Variants in WASF3 observed in about 807,000 individuals in gnomAD.
The protein encoded by WASF3 is actin-binding protein WASF3.
In WASF3, 11 loss-of-function variants were observed where a neutral mutation model predicts 46.6. The observed-to-expected ratio is 0.24, with a 90% confidence interval of 0.15 to 0.39. WASF3 has a LOEUF of 0.39. WASF3 is among the 10% of genes least tolerant of loss of function. The pLI is 1.00. For synonymous variants in WASF3, 242 were observed against 259.7 expected (o/e 0.93, Z 0.65); for missense variants, 576 against 669.8 (o/e 0.86, Z 1.55).
rs116798957 is a variant in WASF3 at position 26,586,684 on chromosome 13, T to C, written c.-108-26277T>C. ...GGGATACTCAAGAAACACCTGCCCT[T>C]TGTGATCAATTCTAAGAGCCCCATC... On this transcript the variant is annotated intron_variant, in intron 1 of 9. Coordinates refer to ENST00000335327, the MANE Select transcript of WASF3 (RefSeq NM_006646.6). 6.8e-3 allele frequency among the ~76,000 whole-genome samples: 1,028 copies of C among 152,276 alleles called. 15 individuals carry two copies. Among genetic ancestry groups the C allele is most frequent in the African/African-American group, 0.024 (981 of 41,558 alleles).
chr13:26,576,900 GA>G, intron 1 of WASF3: 2 of 768,042 alleles, frequency 2.6e-6, no homozygotes, highest in Non-Finnish European at 4.4e-6. Context: ...CTGTTGGCAA[GA>G]ACAAACGCCT....
At chr13:26,644,485 A>G (rs574638226) in intron 3 of WASF3, among the ~76,000 whole-genome samples, 2 of 152,312 alleles carry the variant, frequency 1.3e-5, no homozygotes, top group Admixed American at 6.5e-5. Flanking sequence ...ACTGCAGTGC[A>G]TCTCAACCTG....
At chr13:26,569,505 T>G (rs1247819843) in intron 1 of WASF3, among the ~76,000 whole-genome samples, 1 of 152,214 alleles carries the variant, frequency 6.6e-6, no homozygotes, top group Non-Finnish European at 1.5e-5. Context: ...CAAAATATGT[T>G]GATTAGAATC....
intron 8 of WASF3, 29 bp downstream of exon 8, chr13:26,681,349 C>T: frequency 1.3e-6 from 2 of 1,519,616 alleles, no homozygotes; most frequent in East Asian, 2.3e-5. Flanking sequence ...TACCCTAATC[C>T]CTCCTGGCCT....
intron 3 of WASF3, among the ~76,000 whole-genome samples, chr13:26,651,667 G>A (rs995792404): frequency 6.6e-6 from 1 of 152,182 alleles, no homozygotes; most frequent in African/African-American, 2.4e-5. Context: ...ACCTGGATCT[G>A]CAAGGAGTCC....
chr13:26,660,602 G>A (rs1301651156), intron 3 of WASF3, among the ~76,000 whole-genome samples: 3 of 152,132 alleles, frequency 2.0e-5, no homozygotes, highest in African/African-American at 4.8e-5. Context: ...AAGCTTTGCT[G>A]CGAAGGGAGG....
intron 1 of WASF3, among the ~76,000 whole-genome samples, chr13:26,560,659 A>C (rs1472563046): frequency 6.6e-6 from 1 of 152,236 alleles, no homozygotes; most frequent in African/African-American, 2.4e-5. Flanking sequence ...TAGAGTCAGT[A>C]ATCAGTGAGG....
At chr13:26,548,043 G>A in the WASF3 span, among the ~76,000 whole-genome samples, 3 of 152,144 alleles carry the variant, frequency 2.0e-5, no homozygotes, top group Non-Finnish European at 2.9e-5. Context: ...CAATCATTTG[G>A]GTTAGTACAG....
chr13:26,594,517 G>C (rs72658726), intron 1 of WASF3, among the ~76,000 whole-genome samples: 1,681 of 152,256 alleles, frequency 0.011, 41 homozygotes, highest in African/African-American at 0.038. Flanking sequence ...CCTGGCTGCA[G>C]CAGTGGCCTA....
intron 3 of WASF3, 83 bp from the exon 4 acceptor site, chr13:26,664,945 G>A: frequency 7.1e-7 from 1 of 1,413,318 alleles, no homozygotes; most frequent in South Asian, 1.2e-5. Context: ...CATGTTGACA[G>A]GAATAAGCAC....
chr13:26,604,752 A>G (rs913146442), intron 1 of WASF3, among the ~76,000 whole-genome samples: 7 of 152,218 alleles, frequency 4.6e-5, no homozygotes, highest in African/African-American at 1.7e-4. Context: ...TAGTTTGGGC[A>G]AGAAAATCTT....
At chr13:26,624,316 T>G (rs1270559564) in intron 2 of WASF3, among the ~76,000 whole-genome samples, 2 of 152,168 alleles carry the variant, frequency 1.3e-5, no homozygotes, top group African/African-American at 4.8e-5. Flanking sequence ...TTGGGTTTAT[T>G]AGCAAACTGG....
At chr13:26,584,685 GTT>G (rs1880079374) in intron 1 of WASF3, among the ~76,000 whole-genome samples, 1 of 152,140 alleles carries the variant, frequency 6.6e-6, no homozygotes. Context: ...GCATTCCTCA[GTT>G]TTATGTTCAG....
chr13:26,577,071 CA>C, intron 1 of WASF3: 1 of 759,034 alleles, frequency 1.3e-6, no homozygotes, highest in Non-Finnish European at 2.4e-6. Context: ...CTGATGGCCT[CA>C]AGGGTCATGT....
chr13:26,659,300 G>A (rs1280757807), intron 3 of WASF3, among the ~76,000 whole-genome samples: 1 of 152,200 alleles, frequency 6.6e-6, no homozygotes, highest in Non-Finnish European at 1.5e-5. Context: ...TGGGGAGAAG[G>A]GGGATGCTTG....
At chr13:26,575,078 C>T (rs559731424) in intron 1 of WASF3, among the ~76,000 whole-genome samples, 8 of 152,178 alleles carry the variant, frequency 5.3e-5, no homozygotes, top group South Asian at 2.1e-4. Flanking sequence ...CCTTGTGATC[C>T]GCCCACCTTG....
chr13:26,651,591 T>C (rs775959419), intron 3 of WASF3, among the ~76,000 whole-genome samples: 30 of 152,326 alleles, frequency 2.0e-4, no homozygotes, highest in Admixed American at 5.9e-4. Context: ...TCTCAGAGAA[T>C]TAGTCCTCCA....
intron 1 of WASF3, among the ~76,000 whole-genome samples, chr13:26,576,151 A>G (rs1330000465): frequency 6.6e-6 from 1 of 151,878 alleles, no homozygotes; most frequent in Non-Finnish European, 1.5e-5. Flanking sequence ...TTGACCCTTT[A>G]TACTTCTTTT....
chr13:26,671,913 C>T lies in WASF3; in HGVS notation c.464C>T (p.Ser155Phe). Residue 155 changes from serine (S) to phenylalanine (F), a missense_variant, in exon 6 of 10, where the codon TCC (serine) becomes TTC (phenylalanine). Transcript: ENST00000335327. ...GGGCTGAAGTTCTATACTGATCCTT[C>T]CTATTTCTTTGACCTCTGGAAAGAA... ...KDGLKFYTDPSYFFDLWKEKM... is the reference protein window; with the variant it reads ...KDGLKFYTDPFYFFDLWKEKM... 1 of 1,611,162 alleles carries T rather than the reference C, an allele frequency of 6.2e-7. No individual in the cohort carries two copies. Among genetic ancestry groups the T allele is most frequent in the Non-Finnish European group, 8.5e-7 (1 of 1,179,242 alleles).
Sources: allele counts gnomAD v4.1 joint callset (sites outside exome capture counted in the v4.1 genomes callset), GRCh38; gene constraint gnomAD v4.1.1; transcripts MANE v1.5; gene names NCBI Gene and HGNC (gene_info 2026-07-23, HGNC 2026-07-21).